The following MCPH1 variants were observed in gnomAD, a reference collection of about 807,000 sequenced individuals.
The protein encoded by MCPH1 is microcephalin.
In MCPH1, 104 loss-of-function variants were observed where a neutral mutation model predicts 84.5. The observed-to-expected ratio is 1.23, with a 90% CI of 1.05 to 1.45. The LOEUF is 1.45. Among genes scored for constraint, MCPH1 ranks in the 40% most tolerant of loss-of-function variants. The pLI is 0.00. For missense variants in MCPH1, 1,498 were observed against 1,005.7 expected (o/e 1.49, Z -6.62); for synonymous variants, 514 against 366.8 (o/e 1.40, Z -4.58).
chr8:6,441,594 G>C (rs1032899382), intron 6 of MCPH1, among the ~76,000 whole-genome samples: 2 of 152,142 alleles, frequency 1.3e-5, no homozygotes, highest in Non-Finnish European at 2.9e-5. Flanking sequence ...TCTCAACCCA[G>C]CACAGCTGAC....
At chr8:6,479,601 A>AT (rs1040478206) in intron 10 of MCPH1, among the ~76,000 whole-genome samples, 5 of 151,590 alleles carry the variant, frequency 3.3e-5, no homozygotes, top group Non-Finnish European at 7.4e-5. Flanking sequence ...CGCCCGGCTA[A>AT]TTTTTTTGTT....
intron 4 of MCPH1, among the ~76,000 whole-genome samples, chr8:6,433,927 A>G (rs1472015581): frequency 2.6e-5 from 4 of 151,940 alleles, no homozygotes; most frequent in African/African-American, 4.8e-5. Context: ...AAGCATGCCA[A>G]TCGTATTTCT....
intron 2 of MCPH1, among the ~76,000 whole-genome samples, chr8:6,413,788 T>C (rs1798865827): frequency 1.3e-5 from 2 of 151,444 alleles, no homozygotes; most frequent in Non-Finnish European, 1.5e-5. Context: ...GGAGTCTTGC[T>C]GTGTTACCCA....
intron 12 of MCPH1, among the ~76,000 whole-genome samples, chr8:6,609,720 G>A (rs1335997946): frequency 6.6e-6 from 1 of 151,762 alleles, no homozygotes; most frequent in Non-Finnish European, 1.5e-5. Context: ...CCGGGAGAGT[G>A]AGCCACTTCT....
chr8:6,556,743 A>G (rs1412997367), intron 12 of MCPH1, among the ~76,000 whole-genome samples: 1 of 152,020 alleles, frequency 6.6e-6, no homozygotes, highest in East Asian at 1.9e-4. Context: ...CCTCCCAAGT[A>G]GCTGGGACCA....
intron 11 of MCPH1, among the ~76,000 whole-genome samples, chr8:6,496,445 C>T (rs569203423): frequency 2.6e-5 from 4 of 152,276 alleles, no homozygotes; most frequent in African/African-American, 9.6e-5. Flanking sequence ...CAGACTGGTA[C>T]CAGGACCCCT....
intron 12 of MCPH1, among the ~76,000 whole-genome samples, chr8:6,583,641 G>A (rs1465317948): frequency 6.6e-6 from 1 of 152,192 alleles, no homozygotes; most frequent in South Asian, 2.1e-4. Context: ...CTGGCCTGGA[G>A]TAGTGAGGGC....
chr8:6,422,825 A>C (rs1800419159), intron 3 of MCPH1, among the ~76,000 whole-genome samples: 1 of 152,148 alleles, frequency 6.6e-6, no homozygotes, highest in African/African-American at 2.4e-5. Context: ...AGTAGCTGGG[A>C]CTACCGGAGC....
intron 12 of MCPH1, chr8:6,532,519 T>G: frequency 1.3e-6 from 2 of 1,533,906 alleles, no homozygotes; most frequent in Non-Finnish European, 1.8e-6. Context: ...AGGCAGTCAT[T>G]AGTCAAATGA....
chr8:6,456,013 T>C (rs2129556895), intron 9 of MCPH1, among the ~76,000 whole-genome samples: 1 of 152,262 alleles, frequency 6.6e-6, no homozygotes, highest in East Asian at 1.9e-4. Context: ...GCGGCTGCAT[T>C]TGACCTGCGG....
chr8:6,481,381 T>G (rs1434885183), intron 11 of MCPH1, among the ~76,000 whole-genome samples: 1 of 152,230 alleles, frequency 6.6e-6, no homozygotes, highest in Non-Finnish European at 1.5e-5. Flanking sequence ...TTTCTGTAGA[T>G]TAAAGATAGC....
chr8:6,438,916 T>C, intron 5 of MCPH1, 37 bp from the exon 6 acceptor site: 5 of 1,599,728 alleles, frequency 3.1e-6, no homozygotes, highest in Non-Finnish European at 4.3e-6. Flanking sequence ...ATGAAGGCAC[T>C]TTTTGGTCTT....
At chr8:6,459,178 C>T (rs1428079344) in intron 9 of MCPH1, among the ~76,000 whole-genome samples, 1 of 152,176 alleles carries the variant, frequency 6.6e-6, no homozygotes, top group Non-Finnish European at 1.5e-5. Context: ...CTCAACCATT[C>T]TTTTTTTCCC....
intron 8 of MCPH1, among the ~76,000 whole-genome samples, chr8:6,449,756 T>A (rs995239403): frequency 1.3e-5 from 2 of 148,378 alleles, no homozygotes; most frequent in Non-Finnish European, 2.9e-5. Flanking sequence ...AATGGAGATC[T>A]TCTTGTTTTA....
intron 12 of MCPH1, among the ~76,000 whole-genome samples, chr8:6,537,554 A>G (rs1303777754): frequency 1.3e-5 from 2 of 151,474 alleles, no homozygotes; most frequent in Non-Finnish European, 2.9e-5. Flanking sequence ...ACATATATAT[A>G]TATATATGTT....
chr8:6,631,019 C>T (rs1027407265), intron 13 of MCPH1, among the ~76,000 whole-genome samples: 1 of 152,092 alleles, frequency 6.6e-6, no homozygotes, highest in African/African-American at 2.4e-5. Flanking sequence ...GTTGCAGGTG[C>T]TCTAAAAGGT....
chr8:6,605,425 G>A (rs1829685917), intron 12 of MCPH1, among the ~76,000 whole-genome samples: 1 of 152,186 alleles, frequency 6.6e-6, no homozygotes, highest in Admixed American at 6.5e-5. Context: ...GCAGAAAAGT[G>A]TTATGCGATG....
At chr8:6,554,351 A>T (rs1488402635) in intron 12 of MCPH1, among the ~76,000 whole-genome samples, 2 of 151,912 alleles carry the variant, frequency 1.3e-5, no homozygotes, top group Non-Finnish European at 2.9e-5. Flanking sequence ...TCCTTTTAAG[A>T]CTTTGTTCAC....
intron 9 of MCPH1, among the ~76,000 whole-genome samples, chr8:6,468,143 A>G (rs56657460): frequency 0.031 from 4,674 of 152,264 alleles, 236 homozygotes; most frequent in African/African-American, 0.11. Context: ...GCTCAGAGGC[A>G]GTCTTTCCTG....
Sources: allele counts gnomAD v4.1 joint callset (sites outside exome capture counted in the v4.1 genomes callset), GRCh38; gene constraint gnomAD v4.1.1; transcripts MANE v1.5; gene names NCBI Gene and HGNC (gene_info 2026-07-23, HGNC 2026-07-21).